The following CARD14 variants were observed in gnomAD, a reference collection of about 807,000 sequenced individuals.
The protein encoded by CARD14 is caspase recruitment domain family member 14.
A neutral mutation model predicts 111.5 loss-of-function variants in CARD14; 107 were observed. The observed-to-expected ratio is 0.96, with a 90% CI of 0.82 to 1.13. The LOEUF (loss-of-function observed/expected upper bound fraction) is 1.13. Ranked by LOEUF, CARD14 falls within the 50% of genes most tolerant of loss-of-function variation. The pLI is 0.00. For missense variants in CARD14, 1,322 were observed against 1,362.3 expected, an observed-to-expected ratio of 0.97 and a Z score of 0.47; for synonymous variants, 617 against 579.6, an observed-to-expected ratio of 1.06 and a Z score of -0.93.
intron 2 of CARD14, among the ~76,000 whole-genome samples, chr17:80,174,826 T>C (rs1379820150): frequency 6.6e-6 from 1 of 152,094 alleles, no homozygotes; most frequent in African/African-American, 2.4e-5. Context: ...TTCCCTAGAC[T>C]TCTCTTCAGC....
rs2040672053 is a variant in CARD14, at chr17:80,195,319, AC to A, written c.1488del (p.Trp497GlyfsTer32). Reference sequence around the variant, plus strand: ...GGGTGGCCGAGGACTTCGGGGAAGAACCCTGGTCTTTCAGGTAGAGCACTGG... The same window carrying A: ...GGGTGGCCGAGGACTTCGGGGAAGAACCTGGTCTTTCAGGTAGAGCACTGG... The part of the protein sequence containing the change: ...KRVAEDFGEE[P>X]WSFSSCLEIP... On this transcript the variant is annotated frameshift_variant, in exon 13 of 24. Coordinates refer to ENST00000648509, the MANE Select transcript of CARD14 (RefSeq NM_001366385.1). LOFTEE classifies it high-confidence loss of function. This position sits in a 1 kb window ranked among gnomAD's most constrained non-coding sequence, Gnocchi z 4.7. 5.6e-6 allele frequency: 9 copies of A among 1,611,830 alleles called. No individual in the cohort carries two copies. Among genetic ancestry groups the A allele is most frequent in the Middle Eastern group, 3.3e-4 (2 of 6,078 alleles).
At chr17:80,200,649 T>C (rs2040924649) in intron 16 of CARD14, 1 of 152,218 alleles carries the variant, frequency 6.6e-6, no homozygotes, top group Non-Finnish European at 1.5e-5. Context: ...GGGGATGGTT[T>C]TGGGATGATT....
chr17:80,208,359 T>A lies in CARD14; in HGVS notation c.*14T>A. 1 of 1,571,596 alleles carries A rather than the reference T, an allele frequency of 6.4e-7. No homozygotes were observed. Among genetic ancestry groups the A allele is most frequent in the South Asian group, 1.2e-5 (1 of 86,184 alleles). ...AGCCCCCGATGATGCACCGTGCCCC[T>A]TCCCGGGACTGTGGGGGCTTCTGTG... On this transcript the variant is annotated 3_prime_UTR_variant, in exon 24 of 24. Transcript: ENST00000648509.
chr17:80,198,936 C>A lies in CARD14; in HGVS notation c.1851+345C>A. The A allele has an allele frequency of 8.7e-7, 1 of 1,153,846 alleles. No individual in the cohort carries two copies. The highest frequency in any genetic ancestry group is 1.1e-6 in the Non-Finnish European group (1 of 935,488). 71.5% of individuals were successfully genotyped at this position (1,153,846 alleles called of 1,614,324 possible). ...CACTATTTTAACCACTGGGGCATTTCTTTTCTTTCTTTTTTTTTGTTTGTT... is the reference window on the plus strand; with the variant it reads ...CACTATTTTAACCACTGGGGCATTTATTTTCTTTCTTTTTTTTTGTTTGTT... On this transcript the variant is annotated intron_variant, in intron 16 of 23. Coordinates refer to ENST00000648509, the MANE Select transcript of CARD14 (RefSeq NM_001366385.1). The surrounding 1 kb of genome is among the most constrained non-coding windows in gnomAD (Gnocchi z 7.5).
intron 22 of CARD14, 30 bp from the exon 23 acceptor site, chr17:80,206,940 T>G (rs949673378): frequency 4.5e-6 from 7 of 1,550,066 alleles, no homozygotes; most frequent in Non-Finnish European, 6.2e-6. Flanking sequence ...CCTGTGATCT[T>G]GACTCACTTC....
chr17:80,195,364 G>T lies in CARD14; in HGVS notation c.1499+31G>T, dbSNP rs1454317901. 1 of 1,590,476 alleles carries T rather than the reference G, an allele frequency of 6.3e-7. No homozygotes were observed. Among genetic ancestry groups the T allele is most frequent in the Admixed American group, 1.7e-5 (1 of 58,398 alleles). ...GCACTGGGGTCCTTCCTGGCACTGG[G>T]GTGGCACTGGGGTCCTTCCTGGCAA... On this transcript the variant is annotated intron_variant, in intron 13 of 23. Transcript: ENST00000648509. The surrounding 1 kb of genome is among the most constrained non-coding windows in gnomAD (Gnocchi z 4.7).
In CARD14 at chr17:80,209,322, T is replaced by C; in HGVS notation, c.*977T>C. ...TGTATATTTTACTAAAATAAAAAGC[T>C]TTTACAATAGCTGGCCTGTGGCCTC... On this transcript the variant is annotated 3_prime_UTR_variant, in exon 24 of 24. Transcript: ENST00000648509. 1.0e-6 allele frequency: 1 copy of C among 985,340 alleles called. No homozygotes were observed. Among genetic ancestry groups the C allele is most frequent in the Non-Finnish European group, 1.2e-6 (1 of 829,872 alleles). 61.0% of individuals were successfully genotyped at this position (985,340 alleles called of 1,614,324 possible).
intron 7 of CARD14, 37 bp downstream of exon 7, chr17:80,184,275 G>T: frequency 6.9e-7 from 1 of 1,456,866 alleles, no homozygotes. Context: ...CGACCCTGCT[G>T]TCGTCTGCCC....
intron 1 of CARD14, among the ~76,000 whole-genome samples, chr17:80,171,129 C>CTGTGCCCAGCCCTAAGGTTTTTTGTTTT (rs2039887374): frequency 6.7e-6 from 1 of 148,732 alleles, no homozygotes; most frequent in Admixed American, 6.7e-5. Flanking sequence ...GCGTGAGCCA[C>CTGTGCCCAGCCCTAAGGTTTTTTGTTTT]GGCTCCTGGC....
chr17:80,195,669 C>G lies in CARD14; in HGVS notation c.1594+17C>G, dbSNP rs12950504. 6.2e-7 allele frequency: 1 copy of G among 1,603,532 alleles called. No individual in the cohort carries two copies. The highest frequency in any genetic ancestry group is 1.7e-5 in the Admixed American group (1 of 58,918). On this transcript the variant is annotated intron_variant, in intron 14 of 23. Transcript: ENST00000648509. This position sits in a 1 kb window ranked among gnomAD's most constrained non-coding sequence, Gnocchi z 4.7. ...ACACGGCAGGTGAGCACGCCCAACC[C>G]TGAACCTCCACAGCAGTCCACCTCC...
At position 80,198,010 on chromosome 17, in the gene CARD14, TGAA is replaced by T. The variant is rs2040779394; in HGVS notation, c.1595-84_1595-82del. On this transcript the variant is annotated intron_variant, in intron 14 of 23. Transcript: ENST00000648509. The surrounding 1 kb of genome is among the most constrained non-coding windows in gnomAD (Gnocchi z 7.5). ...TCAGCAGTGGGGTGACCAAGATCTGTGAAGAAGGGGCTGAGGTTACAGGAGGTT... is the reference window on the plus strand; with the variant it reads ...TCAGCAGTGGGGTGACCAAGATCTGTGAAGGGGCTGAGGTTACAGGAGGTT... 2.2e-6 allele frequency: 3 copies of T among 1,338,692 alleles called. No homozygotes were observed. Among genetic ancestry groups the T allele is most frequent in the African/African-American group, 1.4e-5 (1 of 69,186 alleles). The allele number at this position is 1,338,692 out of a possible 1,614,324, so 82.9% of individuals were successfully genotyped here. A position where few individuals can be genotyped will look rare whatever the true frequency, so the allele number is the denominator to read the frequency against.
chr17:80,186,420 C>T (rs867624010), intron 7 of CARD14, among the ~76,000 whole-genome samples: 1 of 152,248 alleles, frequency 6.6e-6, no homozygotes, highest in Non-Finnish European at 1.5e-5. Flanking sequence ...TAAAACGGGT[C>T]CCTTGTTTTT....
chr17:80,203,777 C>T lies in CARD14; in HGVS notation c.2220-45C>T. ...GCTCGGCTCTCCCCTGCCCTGCTCA[C>T]CTGGCAGGAGGCAGCTGGGTCAGGG... On this transcript the variant is annotated intron_variant, in intron 18 of 23. Coordinates refer to ENST00000648509, the MANE Select transcript of CARD14 (RefSeq NM_001366385.1). This position sits in a 1 kb window ranked among gnomAD's most constrained non-coding sequence, Gnocchi z 4.6. 1 of 1,514,236 alleles carries T rather than the reference C, an allele frequency of 6.6e-7. No individual in the cohort carries two copies. Among genetic ancestry groups the T allele is most frequent in the Non-Finnish European group, 9.0e-7 (1 of 1,114,962 alleles). 93.8% of individuals were successfully genotyped at this position (1,514,236 alleles called of 1,614,324 possible).
intron 22 of CARD14, among the ~76,000 whole-genome samples, chr17:80,206,527 A>T (rs1387408844): frequency 6.6e-6 from 1 of 152,226 alleles, no homozygotes; most frequent in Non-Finnish European, 1.5e-5. Context: ...GCACTTTGGG[A>T]GGCCGAGGCG....
intron 12 of CARD14, 114 bp downstream of exon 12, chr17:80,192,733 T>C: frequency 1.5e-6 from 1 of 678,026 alleles, no homozygotes; most frequent in Non-Finnish European, 2.6e-6. Flanking sequence ...AGGGAAGAGG[T>C]TGGTACGATT....
At chr17:80,171,234 C>A in intron 1 of CARD14, among the ~76,000 whole-genome samples, 1 of 130,174 alleles carries the variant, frequency 7.7e-6, no homozygotes, top group South Asian at 2.8e-4. Flanking sequence ...TTCCTTCCTT[C>A]CTTCCTTCCT....
chr17:80,206,012 G>A (rs1009088809), intron 22 of CARD14: 30 of 185,414 alleles, frequency 1.6e-4, no homozygotes, highest in African/African-American at 4.2e-4. Context: ...GCACAGGCAC[G>A]GGAAGCCGAG....
At chr17:80,174,689 A>G (rs1433989623) in intron 2 of CARD14, among the ~76,000 whole-genome samples, 1 of 152,176 alleles carries the variant, frequency 6.6e-6, no homozygotes, top group Non-Finnish European at 1.5e-5. Flanking sequence ...AAAGAAATCC[A>G]GTGGTTGCCC....
At chr17:80,187,344 T>C (rs530710193) in intron 7 of CARD14, among the ~76,000 whole-genome samples, 6 of 152,252 alleles carry the variant, frequency 3.9e-5, no homozygotes, top group Non-Finnish European at 8.8e-5. Context: ...TGAGGGTTTG[T>C]AATCAAACAC....
Sources: allele counts gnomAD v4.1 joint callset (sites outside exome capture counted in the v4.1 genomes callset), GRCh38; gene constraint gnomAD v4.1.1; non-coding constraint Gnocchi (gnomAD v3.1); transcripts MANE v1.5; gene names NCBI Gene and HGNC (gene_info 2026-07-23, HGNC 2026-07-21).